The following ABCC1 variants were observed in gnomAD, a reference collection of about 807,000 sequenced individuals.
The protein encoded by ABCC1 is multidrug resistance-associated protein 1.
Under a neutral mutation model 172.9 loss-of-function variants are expected in ABCC1, and 83 were observed. The ratio of observed to expected loss-of-function variants is 0.48; its 90% confidence interval spans 0.40 to 0.58. The LOEUF (loss-of-function observed/expected upper bound fraction) is 0.58. ABCC1 is among the 20% of genes least tolerant of loss of function. ABCC1 has a pLI of 0.00. For missense variants in ABCC1, 1,817 were observed against 2,002.7 expected (o/e 0.91, Z 1.77); for synonymous variants, 937 against 825.2 (o/e 1.14, Z -2.32).
intron 19 of ABCC1, 138 bp downstream of exon 19, chr16:16,090,726 C>G: frequency 6.4e-6 from 6 of 931,324 alleles, no homozygotes; most frequent in Non-Finnish European, 9.1e-6. Flanking sequence ...GATGGAGCCC[C>G]CTAAAGAAGC....
intron 20 of ABCC1, 189 bp from the exon 21 acceptor site, chr16:16,106,549 C>A: frequency 1.6e-6 from 1 of 613,998 alleles, no homozygotes; most frequent in Non-Finnish European, 2.7e-6. Context: ...CTCTGGGTAC[C>A]TATAAACCTG....
At chr16:16,119,910 G>GGGTCT (rs768428047) in intron 23 of ABCC1, among the ~76,000 whole-genome samples, 1 of 152,160 alleles carries the variant, frequency 6.6e-6, no homozygotes, top group Non-Finnish European at 1.5e-5. Flanking sequence ...CCATGCAGAG[G>GGGTCT]GGTCTGGATT....
At chr16:15,986,253 C>T (rs1033060815) in intron 1 of ABCC1, among the ~76,000 whole-genome samples, 9 of 152,224 alleles carry the variant, frequency 5.9e-5, no homozygotes, top group Admixed American at 4.6e-4. Context: ...CCTTTTCTGA[C>T]TCAGATATTC....
chr16:16,014,274 C>T (rs1227310329), intron 3 of ABCC1, among the ~76,000 whole-genome samples: 2 of 152,142 alleles, frequency 1.3e-5, no homozygotes, highest in Non-Finnish European at 2.9e-5. Context: ...GGTGAAACCC[C>T]GTCTTTACTA....
Position 16,033,144 on chromosome 16 carries a change from G to T in ABCC1, c.651G>T (p.Ser217=), listed in dbSNP as rs527688744. The T allele has an allele frequency of 6.2e-7, 1 of 1,614,068 alleles. No individual in the cohort carries two copies. Residue 217 remains serine (S), a synonymous_variant, in exon 6 of 31, where the codon TCG becomes TCT. Coordinates refer to ENST00000399410, the MANE Select transcript of ABCC1 (RefSeq NM_004996.4). The part of the protein sequence containing the change: ...PCPESSASFL[S]RITFWWITGL... ...CAGAGTCCAGCGCTTCCTTCCTGTC[G>T]AGGATCACCTTCTGGTGGATCACAG...
chr16:16,070,054 A>G (rs2050278006), intron 13 of ABCC1, among the ~76,000 whole-genome samples: 1 of 151,632 alleles, frequency 6.6e-6, no homozygotes, highest in Non-Finnish European at 1.5e-5. Context: ...ATAATACAAC[A>G]TGAACCCCGT....
intron 28 of ABCC1, 142 bp downstream of exon 28, chr16:16,134,650 T>TC: frequency 1.4e-6 from 1 of 723,614 alleles, no homozygotes; most frequent in Non-Finnish European, 2.0e-6. Context: ...TTTTTTTTTT[T>TC]TCCTGAAACA....
intron 5 of ABCC1, among the ~76,000 whole-genome samples, chr16:16,031,971 C>T (rs372460952): frequency 3.3e-5 from 5 of 152,104 alleles, no homozygotes; most frequent in African/African-American, 1.2e-4. Flanking sequence ...CTCTGGTCCC[C>T]AGTTTTTAAG....
chr16:15,981,211 G>T (rs1278515355), intron 1 of ABCC1, among the ~76,000 whole-genome samples: 1 of 152,236 alleles, frequency 6.6e-6, no homozygotes, highest in African/African-American at 2.4e-5. Context: ...CAGGTGCACG[G>T]TGCAAGCTGT....
At chr16:16,013,270 G>GTTTTTTT (rs35420214) in intron 3 of ABCC1, among the ~76,000 whole-genome samples, 1 of 145,796 alleles carries the variant, frequency 6.9e-6, no homozygotes, top group Non-Finnish European at 1.5e-5. Flanking sequence ...GCCAGCACAT[G>GTTTTTTT]TTTTTTTTTT....
intron 7 of ABCC1, among the ~76,000 whole-genome samples, chr16:16,039,826 T>C (rs1415913574): frequency 6.6e-6 from 1 of 152,036 alleles, no homozygotes; most frequent in Non-Finnish European, 1.5e-5. Context: ...AAGGAAGGGC[T>C]TTCCAGGTAG....
At chr16:15,954,797 G>C (rs1054857776) in intron 1 of ABCC1, among the ~76,000 whole-genome samples, 2 of 151,994 alleles carry the variant, frequency 1.3e-5, no homozygotes, top group African/African-American at 2.4e-5. Context: ...TGGTAGATGG[G>C]GGGGAAGAAA....
At chr16:15,959,452 G>A (rs570547935) in intron 1 of ABCC1, among the ~76,000 whole-genome samples, 1 of 152,052 alleles carries the variant, frequency 6.6e-6, no homozygotes, top group Non-Finnish European at 1.5e-5. Context: ...TAGCCTCCCA[G>A]GTAGCTGGGA....
intron 13 of ABCC1, 95 bp from the exon 14 acceptor site, chr16:16,071,547 T>A: frequency 2.0e-6 from 2 of 978,788 alleles, no homozygotes; most frequent in Non-Finnish European, 3.2e-6. Flanking sequence ...TGTGTGCCCC[T>A]CCACACCTGG....
intron 27 of ABCC1, among the ~76,000 whole-genome samples, chr16:16,132,510 G>GT (rs71137915): frequency 0.018 from 668 of 37,280 alleles, 76 homozygotes; most frequent in Middle Eastern, 0.065. Context: ...TTGGTTGGTT[G>GT]TTTTTTTTTT....
intron 5 of ABCC1, among the ~76,000 whole-genome samples, chr16:16,029,412 A>G (rs970889276): frequency 1.3e-5 from 2 of 152,056 alleles, no homozygotes; most frequent in Non-Finnish European, 2.9e-5. Flanking sequence ...TTGTAGAGAC[A>G]GGGTCTTGCC....
intron 21 of ABCC1, among the ~76,000 whole-genome samples, chr16:16,108,445 A>G (rs968276054): frequency 4.9e-5 from 7 of 142,824 alleles, no homozygotes; most frequent in East Asian, 2.0e-4. Flanking sequence ...TAATTTTTGT[A>G]TTTTCGGTAG....
intron 5 of ABCC1, 106 bp downstream of exon 5, chr16:16,016,727 T>TC: frequency 1.3e-6 from 2 of 1,483,314 alleles, no homozygotes; most frequent in East Asian, 4.6e-5. Flanking sequence ...CGTTCCAGCC[T>TC]CCCTCAACCC....
chr16:15,988,832 C>A (rs1031175352), intron 1 of ABCC1, among the ~76,000 whole-genome samples: 13 of 151,994 alleles, frequency 8.6e-5, no homozygotes, highest in African/African-American at 3.1e-4. Context: ...TTTGGGAGCC[C>A]TGGGTGGGAG....
Sources: allele counts gnomAD v4.1 joint callset (sites outside exome capture counted in the v4.1 genomes callset), GRCh38; gene constraint gnomAD v4.1.1; transcripts MANE v1.5; gene names NCBI Gene and HGNC (gene_info 2026-07-23, HGNC 2026-07-21).